The following RNF126 variants were observed in gnomAD, a reference collection of about 807,000 sequenced individuals.
RNF126 encodes the protein E3 ubiquitin-protein ligase RNF126.
In RNF126, 20 loss-of-function variants were observed where a neutral mutation model predicts 41.9. The observed-to-expected ratio is 0.48, with a 90% CI of 0.34 to 0.69. The LOEUF (loss-of-function observed/expected upper bound fraction) is 0.69, where lower values mean the gene tolerates loss of function less well. RNF126 is among the 30% of genes least tolerant of loss of function. The probability of loss-of-function intolerance (pLI) is 0.01; values close to 1 mark genes in which losing one functional copy is unlikely to be tolerated. For missense variants in RNF126, 433 were observed against 460.6 expected (o/e 0.94, Z 0.55); for synonymous variants, 239 against 202.9 (o/e 1.18, Z -1.51).
At chr19:652,384 G>T in intron 2 of RNF126, 88 bp from the exon 3 acceptor site, 1 of 1,199,948 alleles carries the variant, frequency 8.3e-7, no homozygotes, top group Non-Finnish European at 1.2e-6. Context: ...TATGTTGGGA[G>T]AGCAGGAATT....
chr19:652,301 G>GA lies in RNF126; in HGVS notation c.135-6_135-5insT, dbSNP rs2030347832. The GA allele has an allele frequency of 8.3e-6, 13 of 1,558,320 alleles. No individual in the cohort carries two copies. The highest frequency in any genetic ancestry group is 1.7e-4 in the Middle Eastern group (1 of 5,926). On this transcript the variant is annotated splice_region_variant and splice_polypyrimidine_tract_variant and intron_variant, in intron 2 of 8. Coordinates refer to ENST00000292363, the MANE Select transcript of RNF126 (RefSeq NM_194460.3). ...GCAGAACCATTTTCTGTGCTCCTGG[G>GA]GAGAGAGTGCAGGTCAGCAGTGCCG...
At chr19:652,705 C>A in intron 2 of RNF126, 121 bp downstream of exon 2, 1 of 874,208 alleles carries the variant, frequency 1.1e-6, no homozygotes, top group Non-Finnish European at 1.8e-6. Context: ...CTCCCGGAGC[C>A]ACAGACACCA....
At chr19:651,911 G>A (rs775277330) in intron 3 of RNF126, 56 bp from the exon 4 acceptor site, 6 of 1,489,680 alleles carry the variant, frequency 4.0e-6, no homozygotes, top group Admixed American at 2.0e-5. Flanking sequence ...AGTCTGCTGG[G>A]GGCGCTAGGG....
chr19:649,014 G>T, intron 6 of RNF126, 39 bp from the exon 7 acceptor site: 1 of 1,106,574 alleles, frequency 9.0e-7, no homozygotes. Flanking sequence ...AGCTCCTCGG[G>T]GGCCCGGCCC....
intron 1 of RNF126, among the ~76,000 whole-genome samples, chr19:653,118 C>T (rs1166135929): frequency 6.7e-6 from 1 of 149,832 alleles, no homozygotes; most frequent in Non-Finnish European, 1.5e-5. Context: ...TCCGACCTGG[C>T]CCCACCGTGA....
At chr19:655,721 C>G (rs1325957730) in intron 1 of RNF126, among the ~76,000 whole-genome samples, 1 of 152,136 alleles carries the variant, frequency 6.6e-6, no homozygotes, top group African/African-American at 2.4e-5. Context: ...AACGAAGACA[C>G]CTGCCCACCA....
chr19:649,345 G>A (rs995455362), intron 6 of RNF126: 2 of 375,776 alleles, frequency 5.3e-6, no homozygotes, highest in Non-Finnish European at 4.8e-6. Context: ...CCTCAGCAAG[G>A]CTGAGACGGG....
At chr19:653,774 C>G (rs2030437316) in intron 1 of RNF126, among the ~76,000 whole-genome samples, 2 of 152,244 alleles carry the variant, frequency 1.3e-5, no homozygotes, top group Admixed American at 6.5e-5. Context: ...CAACTGCTCT[C>G]TATGAACGAC....
chr19:656,109 T>C (rs2030552836), intron 1 of RNF126, among the ~76,000 whole-genome samples: 1 of 151,984 alleles, frequency 6.6e-6, no homozygotes, highest in South Asian at 2.1e-4. Flanking sequence ...GCTGTGGAAT[T>C]AGACTGTGGT....
At chr19:651,586 G>A (rs575890668) in intron 4 of RNF126, 25 bp downstream of exon 4, 7 of 1,394,870 alleles carry the variant, frequency 5.0e-6, no homozygotes, top group African/African-American at 1.5e-5. Context: ...TGGGGCCCTC[G>A]CGGCCACCCC....
intron 1 of RNF126, among the ~76,000 whole-genome samples, chr19:654,533 C>T (rs1202683199): frequency 3.3e-5 from 5 of 150,084 alleles, no homozygotes; most frequent in African/African-American, 1.2e-4. Context: ...ATCCCAGCTA[C>T]TTGGGAGGCT....
intron 4 of RNF126, among the ~76,000 whole-genome samples, chr19:651,045 A>G (rs921265335): frequency 6.6e-6 from 1 of 152,160 alleles, no homozygotes; most frequent in African/African-American, 2.4e-5. Context: ...GCCACTTTTA[A>G]AGATGACATT....
At chr19:652,094 T>C (rs1307243054) in intron 3 of RNF126, 139 bp downstream of exon 3, 2 of 789,646 alleles carry the variant, frequency 2.5e-6, no homozygotes, top group South Asian at 2.1e-5. Flanking sequence ...CCCCAATCCC[T>C]GGCCCGGGCC....
intron 2 of RNF126, 31 bp downstream of exon 2, chr19:652,795 T>C: frequency 1.9e-6 from 3 of 1,605,750 alleles, no homozygotes; most frequent in Non-Finnish European, 2.6e-6. Context: ...CGGCTGGCTC[T>C]TCCAGCCTCT....
Position 659,673 on chromosome 19 carries a change from C to T in RNF126, c.75+3374G>A, listed in dbSNP as rs2030711054. On this transcript the variant is annotated intron_variant, in intron 1 of 8. Coordinates refer to ENST00000292363, the MANE Select transcript of RNF126 (RefSeq NM_194460.3). This position sits in a 1 kb window ranked among gnomAD's most constrained non-coding sequence, Gnocchi z 4.9. ...TCTGCGCAGCCGCCTGTGGCCTGAG[C>T]TCCAGCTGGCCTGTCTGGTTCCTGC... 1.3e-5 allele frequency among the ~76,000 whole-genome samples: 2 copies of T among 152,128 alleles called. No individual in the cohort carries two copies.
At chr19:652,501 A>AT (rs1555680729) in intron 2 of RNF126, 1 of 604,770 alleles carries the variant, frequency 1.7e-6, no homozygotes, top group South Asian at 2.1e-5. Context: ...ACCGGTGCAG[A>AT]CCCCAACAGC....
At chr19:660,951 C>T (rs550599240) in intron 1 of RNF126, among the ~76,000 whole-genome samples, 216 of 152,374 alleles carry the variant, frequency 1.4e-3, no homozygotes, top group Non-Finnish European at 2.3e-3. Flanking sequence ...GGGCAGGCCC[C>T]CGCAGCCCTC....
intron 2 of RNF126, 87 bp from the exon 3 acceptor site, chr19:652,383 A>G (rs1399863279): frequency 2.5e-6 from 3 of 1,210,824 alleles, no homozygotes; most frequent in Admixed American, 2.8e-5. Flanking sequence ...CTATGTTGGG[A>G]GAGCAGGAAT....
chr19:651,881 T>G, intron 3 of RNF126, 26 bp from the exon 4 acceptor site: 4 of 1,591,704 alleles, frequency 2.5e-6, no homozygotes, highest in Non-Finnish European at 3.4e-6. Context: ...GGGCGTGACC[T>G]CGGGGGCTCA....
Sources: gnomAD v4.1 joint callset for allele counts (sites outside exome capture counted in the v4.1 genomes callset) on GRCh38, gnomAD v4.1.1 for gene constraint, Gnocchi (gnomAD v3.1) non-coding constraint, MANE v1.5 for transcripts, NCBI Gene and HGNC (gene_info 2026-07-23, HGNC 2026-07-21) for gene names.